STK3: variants seen among roughly 807,000 people sequenced by gnomAD.
STK3 encodes the protein serine/threonine-protein kinase 3.
Under a neutral mutation model 58.0 loss-of-function variants are expected in STK3, and 41 were observed. The ratio of observed to expected loss-of-function variants is 0.71; its 90% confidence interval spans 0.55 to 0.92. The LOEUF is 0.92. STK3 is among the 40% of genes least tolerant of loss of function. STK3 has a pLI of 0.00. For missense variants in STK3, 479 were observed against 602.7 expected (o/e 0.79, Z 2.15); for synonymous variants, 170 against 191.0 (o/e 0.89, Z 0.91).
At chr8:98,394,344 A>T (rs375667863) in intron 3 of STK3, among the ~76,000 whole-genome samples, 13 of 151,968 alleles carry the variant, frequency 8.6e-5, no homozygotes, top group African/African-American at 2.7e-4. Flanking sequence ...TTTTTTTTTT[A>T]AACTCAAACG....
chr8:98,351,694 A>T, the STK3 span, among the ~76,000 whole-genome samples: 1 of 152,194 alleles, frequency 6.6e-6, no homozygotes, highest in South Asian at 2.1e-4. Flanking sequence ...TCTAGAAACA[A>T]TGATCAACCT....
chr8:98,612,442 T>G (rs1391420484), intron 6 of STK3, among the ~76,000 whole-genome samples: 1 of 149,540 alleles, frequency 6.7e-6, no homozygotes, highest in Non-Finnish European at 1.5e-5. Context: ...ATATATCAAT[T>G]CTATATATAT....
chr8:98,755,293 C>T (rs1830221479), intron 3 of STK3, among the ~76,000 whole-genome samples: 1 of 152,180 alleles, frequency 6.6e-6, no homozygotes, highest in South Asian at 2.1e-4. Context: ...ACAATTTGGA[C>T]CCTCATACCG....
At chr8:98,609,391 T>C (rs1817005451) in intron 6 of STK3, among the ~76,000 whole-genome samples, 1 of 152,220 alleles carries the variant, frequency 6.6e-6, no homozygotes, top group Admixed American at 6.5e-5. Flanking sequence ...ATGAAATTTT[T>C]ATCTCAGCTA....
chr8:98,504,211 C>G (rs925563556), intron 10 of STK3, among the ~76,000 whole-genome samples: 3 of 152,030 alleles, frequency 2.0e-5, no homozygotes, highest in African/African-American at 7.2e-5. Context: ...AGGATTGCAA[C>G]CCCTGCTTTT....
chr8:98,352,415 A>C, the STK3 span, among the ~76,000 whole-genome samples: 2 of 152,132 alleles, frequency 1.3e-5, no homozygotes, highest in African/African-American at 4.8e-5. Flanking sequence ...GAGCATCCCT[A>C]ATCTGAAAAT....
intron 2 of STK3, among the ~76,000 whole-genome samples, chr8:98,772,446 C>A (rs992334471): frequency 6.6e-6 from 1 of 152,052 alleles, no homozygotes; most frequent in Non-Finnish European, 1.5e-5. Context: ...TGCCTGTCAT[C>A]CCAACACTTT....
At chr8:98,802,269 T>C (rs2131630470) in intron 1 of STK3, among the ~76,000 whole-genome samples, 1 of 152,364 alleles carries the variant, frequency 6.6e-6, no homozygotes, top group African/African-American at 2.4e-5. Context: ...AGATTCTGTA[T>C]AGAATAGTCT....
At chr8:98,614,320 A>T (rs1354225397) in intron 6 of STK3, among the ~76,000 whole-genome samples, 1 of 152,148 alleles carries the variant, frequency 6.6e-6, no homozygotes, top group African/African-American at 2.4e-5. Context: ...TGAACAGAGT[A>T]GAGTCTCCAA....
At chr8:98,508,093 G>C (rs575040421) in intron 10 of STK3, among the ~76,000 whole-genome samples, 1 of 152,046 alleles carries the variant, frequency 6.6e-6, no homozygotes, top group South Asian at 2.1e-4. Flanking sequence ...TGGTTTATTT[G>C]TTGCTATATC....
In STK3 at chr8:98,768,094, A is replaced by G. The variant is rs940871494; in HGVS notation, c.108-723T>C. 2.0e-5 allele frequency among the ~76,000 whole-genome samples: 3 copies of G among 152,372 alleles called. 1 individual carries two copies. Among genetic ancestry groups the G allele is most frequent in the Admixed American group, 2.0e-4 (3 of 15,298 alleles). On this transcript the variant is annotated intron_variant, in intron 2 of 10. Transcript: ENST00000419617. Reference sequence around the variant, plus strand: ...AGAAGGAAGAAGCCATTTGTACCTTAGTATGAACTTAAAAACGAGGTTAAA... The same window carrying G: ...AGAAGGAAGAAGCCATTTGTACCTTGGTATGAACTTAAAAACGAGGTTAAA...
At chr8:98,763,629 A>G (rs780071552) in intron 3 of STK3, among the ~76,000 whole-genome samples, 6 of 152,070 alleles carry the variant, frequency 3.9e-5, no homozygotes, top group Non-Finnish European at 7.4e-5. Flanking sequence ...ATTGGTAGCT[A>G]AAATCTAAGT....
At chr8:98,371,221 G>A (rs6468635), downstream of STK3, 31,794 of 152,150 alleles carry the variant, frequency 0.21, 3,433 homozygotes, top group Middle Eastern at 0.39. Flanking sequence ...AACATTTGCC[G>A]AACTGGTGAA....
intron 6 of STK3, among the ~76,000 whole-genome samples, chr8:98,680,290 A>G (rs1416641736): frequency 1.3e-5 from 2 of 152,170 alleles, no homozygotes; most frequent in African/African-American, 2.4e-5. Flanking sequence ...GCAGTGACAG[A>G]GCTAAGCAGG....
At chr8:98,937,962 C>T (rs538301361) in intron 1 of STK3, among the ~76,000 whole-genome samples, 1 of 152,294 alleles carries the variant, frequency 6.6e-6, no homozygotes, top group Admixed American at 6.5e-5. Context: ...TTACCACATT[C>T]CTGACCACTG....
intron 1 of STK3, among the ~76,000 whole-genome samples, chr8:98,893,466 GAA>G (rs1491566981): frequency 0.018 from 1,497 of 84,090 alleles, 21 homozygotes; most frequent in African/African-American, 0.052. Flanking sequence ...AAGAAAGAAA[GAA>G]AGAAAGAAAG....
intron 6 of STK3, among the ~76,000 whole-genome samples, chr8:98,672,250 C>T (rs1310395281): frequency 4.7e-5 from 5 of 106,738 alleles, no homozygotes; most frequent in Non-Finnish European, 9.3e-5. Context: ...ACATGGTGGG[C>T]GGTGGGTGTG....
intron 1 of STK3, among the ~76,000 whole-genome samples, chr8:98,387,161 T>C (rs1817799621): frequency 6.6e-6 from 1 of 152,210 alleles, no homozygotes; most frequent in South Asian, 2.1e-4. Context: ...CCTAGTAAGA[T>C]ATGACATAAA....
chr8:98,451,829 C>T (rs1007653608), downstream of STK3, among the ~76,000 whole-genome samples: 2 of 151,042 alleles, frequency 1.3e-5, no homozygotes, highest in Non-Finnish European at 2.9e-5. Flanking sequence ...ATCATGTTGC[C>T]CAAACGGCAA....
Sources: allele counts gnomAD v4.1 joint callset (sites outside exome capture counted in the v4.1 genomes callset), GRCh38; gene constraint gnomAD v4.1.1; transcripts MANE v1.5; gene names NCBI Gene and HGNC (gene_info 2026-07-23, HGNC 2026-07-21).